Variants in CDYL2 observed in about 807,000 individuals in gnomAD.
The protein encoded by CDYL2 is chromodomain Y like 2.
A neutral mutation model predicts 49.4 loss-of-function variants in CDYL2; 23 were observed. The observed-to-expected ratio is 0.47, with a 90% CI of 0.34 to 0.66. The LOEUF (loss-of-function observed/expected upper bound fraction) is 0.66. Among genes scored for constraint, CDYL2 ranks in the 30% least tolerant of loss-of-function variants. The pLI is 0.01. For synonymous variants in CDYL2, 360 were observed against 268.8 expected, an observed-to-expected ratio of 1.34 and a Z score of -3.32; for missense variants, 678 against 656.4, an observed-to-expected ratio of 1.03 and a Z score of -0.36.
chr16:80,659,075 GGATGGATGGATGGATGGATGGATGGACA>G (rs1327357636), intron 2 of CDYL2, among the ~76,000 whole-genome samples: 27 of 149,448 alleles, frequency 1.8e-4, no homozygotes, highest in African/African-American at 6.5e-4. Flanking sequence ...ATGGATGGAT[GGATGGATGGATGGATGGATGGATGGACA>G]GACGGATGGA....
At chr16:80,717,003 T>TGGA (rs1904827254) in intron 1 of CDYL2, among the ~76,000 whole-genome samples, 3 of 142,462 alleles carry the variant, frequency 2.1e-5, no homozygotes, top group East Asian at 2.0e-4. Flanking sequence ...GATGATTCAA[T>TGGA]TGATGGATGG....
intron 1 of CDYL2, among the ~76,000 whole-genome samples, chr16:80,719,123 G>A (rs901832126): frequency 5.3e-5 from 8 of 152,074 alleles, no homozygotes; most frequent in African/African-American, 1.4e-4. Flanking sequence ...CACCTGTTAC[G>A]TGCCTGGCCA....
intron 1 of CDYL2, among the ~76,000 whole-genome samples, chr16:80,744,873 C>T (rs1905872386): frequency 6.6e-6 from 1 of 152,188 alleles, no homozygotes; most frequent in Admixed American, 6.5e-5. Context: ...CCACAGTCCT[C>T]CTGCAGTGAG....
intron 5 of CDYL2, among the ~76,000 whole-genome samples, chr16:80,610,414 C>A (rs1906543067): frequency 1.3e-5 from 2 of 152,116 alleles, no homozygotes; most frequent in South Asian, 4.1e-4. Flanking sequence ...TCAAAAGAAA[C>A]ATCCTGGAGT....
At position 80,672,352 on chromosome 16, in the gene CDYL2, C is replaced by CACACACACACACAGAGAGAG. The variant is rs68130206; in HGVS notation, c.616+12185_616+12186insCTCTCTCTGTGTGTGTGTGT. Among the ~76,000 whole-genome samples the CACACACACACACAGAGAGAG allele has an allele frequency of 6.8e-5, 8 of 117,844 alleles. No homozygotes were observed. The East Asian group carries it at 9.0e-4, about 13-fold the overall frequency. The allele number at this position is 117,844 out of a possible 152,430, so 77.3% of individuals were successfully genotyped here. A position where few individuals can be genotyped will look rare whatever the true frequency, so the allele number is the denominator to read the frequency against. On this transcript the variant is annotated intron_variant, in intron 2 of 6. Coordinates refer to ENST00000570137, the MANE Select transcript of CDYL2 (RefSeq NM_152342.4). ...ACACACACACACACACACACACACA[C>CACACACACACACAGAGAGAG]AGAGAGAGAGAGAGAGATGAGTAGA...
At chr16:80,714,987 G>A (rs371466351) in intron 1 of CDYL2, among the ~76,000 whole-genome samples, 7 of 152,072 alleles carry the variant, frequency 4.6e-5, no homozygotes, top group African/African-American at 1.7e-4. Flanking sequence ...GAGTCACTAA[G>A]GATCAGAGAC....
At chr16:80,796,558 G>A (rs932039087) in intron 1 of CDYL2, among the ~76,000 whole-genome samples, 16 of 152,108 alleles carry the variant, frequency 1.1e-4, no homozygotes, top group Non-Finnish European at 1.6e-4. Flanking sequence ...AATTACTGAA[G>A]ACATGAAACA....
intron 1 of CDYL2, among the ~76,000 whole-genome samples, chr16:80,759,585 T>C (rs1485121538): frequency 1.3e-5 from 2 of 152,296 alleles, no homozygotes; most frequent in East Asian, 3.9e-4. Flanking sequence ...ATCGATCAAA[T>C]TGTTCCTTTT....
chr16:80,632,850 G>C (rs984865860), intron 3 of CDYL2, 169 bp downstream of exon 3: 5 of 618,554 alleles, frequency 8.1e-6, no homozygotes, highest in Non-Finnish European at 1.2e-5. Flanking sequence ...GATCAAATGG[G>C]ATAATGTATG....
rs894659297 is a variant in CDYL2, at chr16:80,602,082, C to T, written c.*2306G>A. On this transcript the variant is annotated 3_prime_UTR_variant, in exon 7 of 7. Coordinates refer to ENST00000570137, the MANE Select transcript of CDYL2 (RefSeq NM_152342.4). ...CAGAAGTTCAACAGAAAAGAGGGGG[C>T]TCTTTCTAATGAAAATTTAGCAGTA... The T allele has an allele frequency of 7.2e-5, 11 of 152,202 alleles. No individual in the cohort carries two copies. Among genetic ancestry groups the T allele is most frequent in the African/African-American group, 2.4e-4 (10 of 41,454 alleles). The allele number at this position is 152,202 out of a possible 1,614,324, so 9.4% of individuals were successfully genotyped here. A position where few individuals can be genotyped will look rare whatever the true frequency, so the allele number is the denominator to read the frequency against.
chr16:80,607,569 A>G (rs916460722), intron 6 of CDYL2, among the ~76,000 whole-genome samples: 1 of 152,220 alleles, frequency 6.6e-6, no homozygotes, highest in African/African-American at 2.4e-5. Context: ...AGATAAAATC[A>G]ACACTTAATT....
chr16:80,719,113 C>A (rs372306264), intron 1 of CDYL2, among the ~76,000 whole-genome samples: 1 of 152,186 alleles, frequency 6.6e-6, no homozygotes, highest in Non-Finnish European at 1.5e-5. Context: ...AAGTACTGAA[C>A]ACCTGTTACG....
Position 80,600,430 on chromosome 16 carries a change from C to G in CDYL2, c.*3958G>C, listed in dbSNP as rs1488201550. 3.3e-5 allele frequency: 5 copies of G among 152,176 alleles called. No individual in the cohort carries two copies. Among genetic ancestry groups the G allele is most frequent in the Non-Finnish European group, 7.3e-5 (5 of 68,028 alleles). The allele number at this position is 152,176 out of a possible 1,614,324, so 9.4% of individuals were successfully genotyped here. A position where few individuals can be genotyped will look rare whatever the true frequency, so the allele number is the denominator to read the frequency against. On this transcript the variant is annotated 3_prime_UTR_variant, in exon 7 of 7. Coordinates refer to ENST00000570137, the MANE Select transcript of CDYL2 (RefSeq NM_152342.4). ...AATTTGCAGAAATAACTAAGCAACA[C>G]TTATCTACAACAAAAATATACATGC...
intron 1 of CDYL2, among the ~76,000 whole-genome samples, chr16:80,720,540 G>A (rs1363992416): frequency 2.0e-5 from 3 of 152,228 alleles, no homozygotes; most frequent in Non-Finnish European, 4.4e-5. Flanking sequence ...ACTGTTCTCT[G>A]CTGACAACTC....
intron 1 of CDYL2, among the ~76,000 whole-genome samples, chr16:80,760,508 G>C (rs1906489692): frequency 6.6e-6 from 1 of 151,994 alleles, no homozygotes; most frequent in South Asian, 2.1e-4. Flanking sequence ...ATAACACAAA[G>C]GATAAATGCT....
intron 1 of CDYL2, among the ~76,000 whole-genome samples, chr16:80,768,144 AC>A (rs1401874439): frequency 1.3e-5 from 2 of 152,218 alleles, no homozygotes; most frequent in Admixed American, 6.5e-5. Flanking sequence ...TGATGACTTC[AC>A]AGCCCATGTT....
chr16:80,796,237 A>G (rs1907765420), intron 1 of CDYL2, among the ~76,000 whole-genome samples: 1 of 152,196 alleles, frequency 6.6e-6, no homozygotes, highest in African/African-American at 2.4e-5. Context: ...TCTAGTTTTG[A>G]GGCCTTTCAA....
chr16:80,621,644 T>C (rs1236664939), intron 3 of CDYL2, among the ~76,000 whole-genome samples: 1 of 152,222 alleles, frequency 6.6e-6, no homozygotes, highest in East Asian at 1.9e-4. Flanking sequence ...CAGGTTCACA[T>C]TCCTGGGAGG....
chr16:80,716,747 T>C (rs1234179116), intron 1 of CDYL2, among the ~76,000 whole-genome samples: 1 of 151,870 alleles, frequency 6.6e-6, no homozygotes, highest in Non-Finnish European at 1.5e-5. Context: ...GATCGATGGA[T>C]GGATGATAGA....
Sources: allele counts gnomAD v4.1 joint callset (sites outside exome capture counted in the v4.1 genomes callset), GRCh38; gene constraint gnomAD v4.1.1; transcripts MANE v1.5; gene names NCBI Gene and HGNC (gene_info 2026-07-23, HGNC 2026-07-21).